TSNARE1: variants seen among roughly 807,000 people sequenced by gnomAD.
The protein encoded by TSNARE1 is t-SNARE domain containing 1.
TSNARE1 carries 49 observed loss-of-function variants against 62.0 expected under a neutral mutation model. The observed-to-expected ratio is 0.79, with a 90% confidence interval of 0.63 to 1.00. TSNARE1 has a LOEUF of 1.00. Among genes scored for constraint, TSNARE1 ranks in the 50% least tolerant of loss-of-function variants. The pLI is 0.00. For missense variants in TSNARE1, 755 were observed against 700.1 expected (o/e 1.08, Z -0.88); for synonymous variants, 328 against 294.4 (o/e 1.11, Z -1.17).
In TSNARE1 at chr8:142,266,411, C is replaced by T. The variant is rs143675294; in HGVS notation, c.1446+8370G>A. Among the ~76,000 whole-genome samples, 1,270 of 152,298 alleles carry T rather than the reference C, an allele frequency of 8.3e-3. 8 individuals are homozygous for T. The highest frequency in any genetic ancestry group is 0.013 in the Non-Finnish European group (890 of 68,032). Reference sequence around the variant, plus strand: ...TTTTGGAAACCCCTTTTCATGAAGGCCTGTTGGTGGTAAGCCCTCGCAGTT... The same window carrying T: ...TTTTGGAAACCCCTTTTCATGAAGGTCTGTTGGTGGTAAGCCCTCGCAGTT... On this transcript the variant is annotated intron_variant, in intron 12 of 13. Coordinates refer to ENST00000524325, the MANE Select transcript of TSNARE1 (RefSeq NM_145003.5).
intron 11 of TSNARE1, among the ~76,000 whole-genome samples, chr8:142,282,156 G>A (rs920767287): frequency 6.6e-6 from 1 of 152,218 alleles, no homozygotes. Flanking sequence ...CGTGGATGCA[G>A]GGACTTCAGG....
At chr8:142,331,576 G>A (rs891356153) in intron 5 of TSNARE1, among the ~76,000 whole-genome samples, 178 bp downstream of exon 5, 3 of 152,304 alleles carry the variant, frequency 2.0e-5, no homozygotes, top group Non-Finnish European at 2.9e-5. Context: ...ACGGCCTGAC[G>A]GGGGAAGCCA....
At chr8:142,399,947 C>A (rs1321846126) in intron 1 of TSNARE1, among the ~76,000 whole-genome samples, 5 of 152,148 alleles carry the variant, frequency 3.3e-5, no homozygotes, top group African/African-American at 1.2e-4. Context: ...GGAATCCCAG[C>A]ACTCCGGGAG....
At chr8:142,376,644 T>C (rs1836366729) in intron 1 of TSNARE1, among the ~76,000 whole-genome samples, 1 of 152,172 alleles carries the variant, frequency 6.6e-6, no homozygotes, top group African/African-American at 2.4e-5. Flanking sequence ...ATGGTATTTG[T>C]TCACCAGCCT....
At chr8:142,229,750 G>A (rs975786907) in intron 12 of TSNARE1, among the ~76,000 whole-genome samples, 171 bp from the exon 13 acceptor site, 1 of 152,180 alleles carries the variant, frequency 6.6e-6, no homozygotes, top group Non-Finnish European at 1.5e-5. Flanking sequence ...GAGCTAGCAT[G>A]ACTGTTTATT....
chr8:142,385,259 G>C (rs777163844), intron 1 of TSNARE1, among the ~76,000 whole-genome samples: 1 of 151,876 alleles, frequency 6.6e-6, no homozygotes, highest in Non-Finnish European at 1.5e-5. Flanking sequence ...CCAAACCAAG[G>C]GCTCCAGCAA....
intron 10 of TSNARE1, among the ~76,000 whole-genome samples, chr8:142,295,923 G>T (rs890211144): frequency 6.7e-6 from 1 of 148,984 alleles, no homozygotes; most frequent in Non-Finnish European, 1.5e-5. Context: ...CCTGGGTGCC[G>T]GCAGTGAGGG....
chr8:142,329,385 T>C (rs1387201916), intron 6 of TSNARE1, among the ~76,000 whole-genome samples: 1 of 152,218 alleles, frequency 6.6e-6, no homozygotes, highest in Non-Finnish European at 1.5e-5. Context: ...GGTGTCGGTC[T>C]TCAGCTAACC....
At chr8:142,347,777 C>A (rs2130515775) in intron 2 of TSNARE1, among the ~76,000 whole-genome samples, 1 of 80,360 alleles carries the variant, frequency 1.2e-5, no homozygotes, top group South Asian at 6.1e-4. Context: ...TCACCCAAGT[C>A]CAGAAGGACA....
chr8:142,238,103 G>A (rs1006639821), intron 12 of TSNARE1, among the ~76,000 whole-genome samples: 6 of 152,058 alleles, frequency 3.9e-5, no homozygotes, highest in African/African-American at 7.3e-5. Context: ...TGGTGACTGC[G>A]TTACCCGCCC....
intron 11 of TSNARE1, chr8:142,276,258 G>T (rs891529961): frequency 3.6e-5 from 35 of 985,242 alleles, no homozygotes; most frequent in Non-Finnish European, 4.1e-5. Context: ...CTCACTTGCA[G>T]ACAGCCCCCA....
At chr8:142,353,610 C>T (rs185433936) in intron 2 of TSNARE1, among the ~76,000 whole-genome samples, 2 of 152,346 alleles carry the variant, frequency 1.3e-5, no homozygotes, top group East Asian at 3.9e-4. Flanking sequence ...GCTGCTCCCT[C>T]TCTGCAGGGC....
intron 2 of TSNARE1, among the ~76,000 whole-genome samples, chr8:142,350,959 C>T (rs920977066): frequency 9.9e-5 from 15 of 152,222 alleles, no homozygotes; most frequent in Non-Finnish European, 2.9e-5. Context: ...TCCTAGAGGC[C>T]GTCGGCCACT....
At chr8:142,270,913 C>T (rs1266094161) in intron 12 of TSNARE1, 21 of 985,428 alleles carry the variant, frequency 2.1e-5, no homozygotes, top group Non-Finnish European at 2.3e-5. Flanking sequence ...GGCAAGGACG[C>T]GACATCACAG....
chr8:142,354,510 A>G (rs541108706), intron 2 of TSNARE1, 127 bp downstream of exon 2: 25 of 663,442 alleles, frequency 3.8e-5, no homozygotes, highest in Middle Eastern at 3.0e-4. Context: ...ACCCCATCTC[A>G]GGACACAGGC....
At chr8:142,286,881 C>A (rs927630184) in intron 10 of TSNARE1, among the ~76,000 whole-genome samples, 6 of 152,240 alleles carry the variant, frequency 3.9e-5, no homozygotes, top group Non-Finnish European at 5.9e-5. Flanking sequence ...GCCTCAGGGA[C>A]TTGCAGGGGC....
chr8:142,273,795 G>A (rs1255027931), intron 12 of TSNARE1: 6 of 985,256 alleles, frequency 6.1e-6, no homozygotes, highest in Non-Finnish European at 7.2e-6. Context: ...CGTGGTTCCA[G>A]CTGCGGCCCC....
chr8:142,331,090 G>T, intron 5 of TSNARE1, 120 bp from the exon 6 acceptor site: 1 of 848,546 alleles, frequency 1.2e-6, no homozygotes, highest in Non-Finnish European at 1.9e-6. Context: ...ACCAGTGCTT[G>T]AGCCAGGGCA....
rs564523522 is a variant in TSNARE1 at position 142,256,509 on chromosome 8, TCAC to T, written c.1446+18269_1446+18271del. ...ACCACCATCACCATCACTGTAACCATCACCACCACCACAACCATCACCATCACC... is the reference window on the plus strand; with the variant it reads ...ACCACCATCACCATCACTGTAACCATCACCACCACAACCATCACCATCACC... On this transcript the variant is annotated intron_variant, in intron 12 of 13. Transcript: ENST00000524325. 3.9e-3 allele frequency among the ~76,000 whole-genome samples: 507 copies of T among 131,392 alleles called. 6 individuals carry two copies. The highest frequency in any genetic ancestry group is 0.013 in the African/African-American group (462 of 35,138). 86.2% of individuals were successfully genotyped at this position (131,392 alleles called of 152,430 possible). A position where few individuals can be genotyped will look rare whatever the true frequency, so the allele number is the denominator to read the frequency against.
Sources: gnomAD v4.1 joint callset for allele counts (sites outside exome capture counted in the v4.1 genomes callset) on GRCh38, gnomAD v4.1.1 for gene constraint, MANE v1.5 for transcripts, NCBI Gene and HGNC (gene_info 2026-07-23, HGNC 2026-07-21) for gene names.